ATN1: variants seen among roughly 807,000 people sequenced by gnomAD.
ATN1 encodes the protein atrophin-1.
ATN1 carries 19 observed loss-of-function variants against 85.8 expected under a neutral mutation model. That is an observed-to-expected ratio of 0.22 (90% confidence interval 0.15 to 0.32). The LOEUF (loss-of-function observed/expected upper bound fraction) is 0.32, where lower values mean the gene tolerates loss of function less well. Among genes scored for constraint, ATN1 ranks in the 10% least tolerant of loss-of-function variants. The pLI is 1.00. For synonymous variants in ATN1, 674 were observed against 657.0 expected (o/e 1.03, Z -0.39); for missense variants, 1,453 against 1,564.5 (o/e 0.93, Z 1.20).
In ATN1 at chr12:6,934,206, G is replaced by GCCC. The variant is rs1555143309; in HGVS notation, c.60_62dup (p.Pro21dup). ...AATGAGGAGTGGACGGAAGAAAGAG[G>GCCC]CCCCTGGGCCCCGGGAAGAACTGAG... On this transcript the variant is annotated inframe_insertion, in exon 3 of 10. Coordinates refer to ENST00000396684, the MANE Select transcript of ATN1 (RefSeq NM_001940.4). The surrounding 1 kb of genome is among the most constrained non-coding windows in gnomAD (Gnocchi z 4.5). The GCCC allele has an allele frequency of 6.3e-7, 1 of 1,599,974 alleles. No homozygotes were observed. Among genetic ancestry groups the GCCC allele is most frequent in the Non-Finnish European group, 8.5e-7 (1 of 1,176,610 alleles).
chr12:6,924,669 C>T (rs1318652115), upstream of ATN1: 3 of 152,474 alleles, frequency 2.0e-5, no homozygotes, highest in Admixed American at 1.3e-4. Context: ...ATTTTCAGTT[C>T]AAAGAGCCTC....
intron 7 of ATN1, among the ~76,000 whole-genome samples, chr12:6,940,288 C>T (rs1555144479): frequency 6.0e-5 from 9 of 151,060 alleles, no homozygotes. Context: ...CCGCACCCGG[C>T]TTCCTTTTTT....
Position 6,937,058 on chromosome 12 carries a change from G to C in ATN1, c.1791G>C (p.Ala597=). The C allele has an allele frequency of 1.2e-6, 2 of 1,613,600 alleles. No homozygotes were observed. Among genetic ancestry groups the C allele is most frequent in the Non-Finnish European group, 8.5e-7 (1 of 1,179,988 alleles). Residue 597 remains alanine (A), a synonymous_variant, in exon 5 of 10, where the codon GCG becomes GCC. Transcript: ENST00000396684. The surrounding 1 kb of genome is among the most constrained non-coding windows in gnomAD (Gnocchi z 6.0). ...CCCCTTCCCAGGGCCCTCAAGGGGC[G>C]CCCTACCCTTTCCCACCGGTGCCTA... is the stretch of plus-strand genomic sequence containing the variant. The part of the protein sequence containing the change: ...HPSPSQGPQG[A]PYPFPPVPTV...
chr12:6,933,729 G>A, intron 1 of ATN1, 111 bp from the exon 2 acceptor site: 2 of 553,994 alleles, frequency 3.6e-6, no homozygotes, highest in Non-Finnish European at 6.5e-6. Flanking sequence ...TGTACCTCTT[G>A]GCCCAAAGGC....
chr12:6,933,776 A>G, intron 1 of ATN1, 64 bp from the exon 2 acceptor site: 2 of 613,088 alleles, frequency 3.3e-6, no homozygotes, highest in Non-Finnish European at 5.8e-6. Context: ...TCTGACAAGC[A>G]GAATAGTATT....
At position 6,937,330 on chromosome 12, in the gene ATN1, G is replaced by C. The variant is rs1316186290; in HGVS notation, c.2063G>C (p.Gly688Ala). Reference protein sequence around the residue: ...PPAGPGTFKPGSPTVGPGPLP... With the variant: ...PPAGPGTFKPASPTVGPGPLP... ...GCAGGCCCAGGGACCTTCAAGCCGG[G>C]CTCGCCCACCGTGGGACCTGGGCCC... The change falls in exon 5 of 10, where the codon GGC becomes GCC. Residue 688 changes from glycine to alanine, a missense_variant. Around this residue, in one of 6 missense-constraint regions of ATN1, gnomAD observed 990 missense variants for 914.8 expected, o/e 1.08. Transcript: ENST00000396684. This position sits in a 1 kb window ranked among gnomAD's most constrained non-coding sequence, Gnocchi z 6.0. 6.4e-7 allele frequency: 1 copy of C among 1,561,712 alleles called. No individual in the cohort carries two copies. The highest frequency in any genetic ancestry group is 1.4e-5 in the African/African-American group (1 of 73,300).
chr12:6,937,099 C>T lies in ATN1; in HGVS notation c.1832C>T (p.Ser611Leu), dbSNP rs142264552. ...FPPVPTVTTS[S>L]ATLSTVIATV... Reference sequence around the variant, plus strand: ...CCGGTGCCTACGGTCACCACCTCTTCGGCTACCCTTTCCACGGTCATTGCC... The same window carrying T: ...CCGGTGCCTACGGTCACCACCTCTTTGGCTACCCTTTCCACGGTCATTGCC... The change falls in exon 5 of 10, where the codon TCG (serine) becomes TTG (leucine). Residue 611 changes from serine to leucine, a missense_variant. By Grantham distance (145) the Ser-to-Leu change is moderately radical (BLOSUM62 -2). Coordinates refer to ENST00000396684, the MANE Select transcript of ATN1 (RefSeq NM_001940.4). This position sits in a 1 kb window ranked among gnomAD's most constrained non-coding sequence, Gnocchi z 6.0. The T allele has an allele frequency of 4.2e-5, 68 of 1,612,400 alleles. No individual in the cohort carries two copies. The highest frequency in any genetic ancestry group is 5.7e-5 in the Non-Finnish European group (67 of 1,180,028).
In ATN1 at chr12:6,933,931, G is replaced by A; in HGVS notation, c.-71G>A. ...CCCAGACCACAGCTGTGGGGAACTTGGGGTGGAGCAGAGAAGTTTCTGTAT... is the reference window on the plus strand; with the variant it reads ...CCCAGACCACAGCTGTGGGGAACTTAGGGTGGAGCAGAGAAGTTTCTGTAT... On this transcript the variant is annotated 5_prime_UTR_variant, in exon 2 of 10. Transcript: ENST00000396684. 6.4e-7 allele frequency: 1 copy of A among 1,551,838 alleles called. No individual in the cohort carries two copies. The highest frequency in any genetic ancestry group is 2.3e-5 in the East Asian group (1 of 42,760).
rs1555144368 is a variant in ATN1 at position 6,939,196 on chromosome 12, T to G, written c.3214+19T>G. The G allele has an allele frequency of 6.3e-7, 1 of 1,575,894 alleles. No homozygotes were observed. Among genetic ancestry groups the G allele is most frequent in the Non-Finnish European group, 8.6e-7 (1 of 1,163,844 alleles). ...CATGCAGGTGAGACCCCTCCTTCCTTGCCCTGGCCCTTTGGGGCCACCTTC... is the reference window on the plus strand; with the variant it reads ...CATGCAGGTGAGACCCCTCCTTCCTGGCCCTGGCCCTTTGGGGCCACCTTC... On this transcript the variant is annotated intron_variant, in intron 7 of 9. Coordinates refer to ENST00000396684, the MANE Select transcript of ATN1 (RefSeq NM_001940.4).
chr12:6,941,337 C>T lies in ATN1; in HGVS notation c.3359-37C>T. The T allele has an allele frequency of 6.4e-7, 1 of 1,555,316 alleles. No individual in the cohort carries two copies. Among genetic ancestry groups the T allele is most frequent in the Non-Finnish European group, 8.7e-7 (1 of 1,151,814 alleles). On this transcript the variant is annotated intron_variant, in intron 8 of 9. Transcript: ENST00000396684. This position sits in a 1 kb window ranked among gnomAD's most constrained non-coding sequence, Gnocchi z 5.9. ...CTGGTCCAGAGCAGGTACTTGTTAT[C>T]CGTTGGTCATATGCCCCTTGCCCTT...
At position 6,928,017 on chromosome 12, in the gene ATN1, G is replaced by A. The variant is rs111838962; in HGVS notation, c.-530G>A. Among the ~76,000 whole-genome samples the A allele has an allele frequency of 6.9e-6, 1 of 145,362 alleles. No homozygotes were observed. The highest frequency in any genetic ancestry group is 2.0e-4 in the East Asian group (1 of 4,934). ...GGTGCGGGCTGCGCTAGGCGGGCGC[G>A]GGCGGCGGCGGGTCGGAACCGCGCC... On this transcript the variant is annotated 5_prime_UTR_variant, in exon 1 of 10. Coordinates refer to ENST00000396684, the MANE Select transcript of ATN1 (RefSeq NM_001940.4).
chr12:6,925,410 G>C (rs1555142500), upstream of ATN1, among the ~76,000 whole-genome samples: 1 of 152,082 alleles, frequency 6.6e-6, no homozygotes, highest in Non-Finnish European at 1.5e-5. Flanking sequence ...CAGAAAGAGA[G>C]GAAATGCCAT....
chr12:6,930,584 A>G (rs1945447824), intron 1 of ATN1, among the ~76,000 whole-genome samples: 1 of 152,064 alleles, frequency 6.6e-6, no homozygotes, highest in Non-Finnish European at 1.5e-5. Flanking sequence ...TCACGAGGTC[A>G]GGCGATTGAG....
At chr12:6,938,167 T>C in intron 6 of ATN1, 100 bp downstream of exon 6, 9 of 1,441,860 alleles carry the variant, frequency 6.2e-6, no homozygotes, top group Non-Finnish European at 1.8e-6. Flanking sequence ...TGTGGCTGGG[T>C]GGGCGGGCGA....
In ATN1 at chr12:6,941,318, C is replaced by A; in HGVS notation, c.3359-56C>A. 6.5e-7 allele frequency: 1 copy of A among 1,528,882 alleles called. No individual in the cohort carries two copies. Among genetic ancestry groups the A allele is most frequent in the South Asian group, 1.3e-5 (1 of 78,734 alleles). The allele number at this position is 1,528,882 out of a possible 1,614,324, so 94.7% of individuals were successfully genotyped here. A position where few individuals can be genotyped will look rare whatever the true frequency, so the allele number is the denominator to read the frequency against. The stretch of plus-strand genomic sequence containing the variant: ...TAAAGGAGCTGGCTATCCCCTGGTC[C>A]AGAGCAGGTACTTGTTATCCGTTGG... On this transcript the variant is annotated intron_variant, in intron 8 of 9. Coordinates refer to ENST00000396684, the MANE Select transcript of ATN1 (RefSeq NM_001940.4). The surrounding 1 kb of genome is among the most constrained non-coding windows in gnomAD (Gnocchi z 5.9).
chr12:6,926,713 A>G (rs1392705425), upstream of ATN1, among the ~76,000 whole-genome samples: 1 of 151,450 alleles, frequency 6.6e-6, no homozygotes, highest in Non-Finnish European at 1.5e-5. Flanking sequence ...CAAGTGACCC[A>G]CCCGACTCAG....
At position 6,937,401 on chromosome 12, in the gene ATN1, C is replaced by T; in HGVS notation, c.2134C>T (p.Pro712Ser). Residue 712 changes from proline to serine, a missense_variant, in exon 5 of 10, where the codon CCT becomes TCT. Pro to Ser is a moderately conservative substitution (Grantham distance 74). Coordinates refer to ENST00000396684, the MANE Select transcript of ATN1 (RefSeq NM_001940.4). This position sits in a 1 kb window ranked among gnomAD's most constrained non-coding sequence, Gnocchi z 6.0. ...PSGLPSLPPPPAAPASGPPLS... is the reference protein window; with the variant it reads ...PSGLPSLPPPSAAPASGPPLS... ...AGGCCTGCCATCGCTGCCACCACCA[C>T]CTGCGGCCCCTGCCTCAGGGCCGCC... The T allele has an allele frequency of 6.5e-7, 1 of 1,548,134 alleles. No homozygotes were observed. Among genetic ancestry groups the T allele is most frequent in the Non-Finnish European group, 8.7e-7 (1 of 1,147,602 alleles).
chr12:6,938,749 C>A lies in ATN1; in HGVS notation c.2786C>A (p.Ala929Asp). The A allele has an allele frequency of 6.2e-7, 1 of 1,614,026 alleles. No individual in the cohort carries two copies. Among genetic ancestry groups the A allele is most frequent in the Non-Finnish European group, 8.5e-7 (1 of 1,180,046 alleles). Residue 929 changes from alanine (A) to aspartate (D), a missense_variant, in exon 7 of 10, where the codon GCT becomes GAT. By Grantham distance (126) the Ala-to-Asp change is moderately radical. This residue lies in a region of ATN1 where 208 missense variants were observed against 263.4 expected (regional missense o/e 0.79). Transcript: ENST00000396684. ...CCGGCCCTGTACAGCAGTGATCCAG[C>A]TGCCCGGGAGAGGGAACGGGAAGCC... ...NVPALYSSDPAAREREREARE... is the reference protein window; with the variant it reads ...NVPALYSSDPDAREREREARE...
In ATN1 at chr12:6,934,514, G is replaced by T; in HGVS notation, c.215G>T (p.Arg72Leu). 6.3e-7 allele frequency: 1 copy of T among 1,587,258 alleles called. No homozygotes were observed. Among genetic ancestry groups the T allele is most frequent in the East Asian group, 2.3e-5 (1 of 43,152 alleles). The change falls in exon 4 of 10, where the codon CGG (arginine) becomes CTG (leucine). Residue 72 changes from arginine to leucine, a missense_variant. Around this residue, in one of 6 missense-constraint regions of ATN1, gnomAD observed 130 missense variants for 158.2 expected, o/e 0.82. Transcript: ENST00000396684. The surrounding 1 kb of genome is among the most constrained non-coding windows in gnomAD (Gnocchi z 4.5). Reference sequence around the variant, plus strand: ...ACCCCAAAGGTCAACAAGCAGGGTCGGAGTGAGGAGATCTCAGAGAGTGAA... The same window carrying T: ...ACCCCAAAGGTCAACAAGCAGGGTCTGAGTGAGGAGATCTCAGAGAGTGAA... ...ASTPKVNKQG[R>L]SEEISESESE... is the part of the protein sequence containing the mutation.
Sources: gnomAD v4.1 joint callset for allele counts (sites outside exome capture counted in the v4.1 genomes callset) on GRCh38, gnomAD v4.1.1 for gene constraint, gnomAD v4.1.1 regional missense constraint, Gnocchi (gnomAD v3.1) non-coding constraint, MANE v1.5 for transcripts, NCBI Gene and HGNC (gene_info 2026-07-23, HGNC 2026-07-21) for gene names.